SNX29: variants seen among roughly 807,000 people sequenced by gnomAD.
The protein encoded by SNX29 is sorting nexin-29.
SNX29 carries 78 observed loss-of-function variants against 102.1 expected under a neutral mutation model. That is an observed-to-expected ratio of 0.76 (90% CI 0.64 to 0.92). The LOEUF is 0.92. SNX29 is among the 40% of genes least tolerant of loss of function. The pLI, the probability that SNX29 is intolerant of heterozygous loss-of-function variation, is 0.00. For synonymous variants in SNX29, 580 were observed against 414.5 expected, an observed-to-expected ratio of 1.40 and a Z score of -4.85; for missense variants, 1,280 against 1,061.7, an observed-to-expected ratio of 1.21 and a Z score of -2.86.
chr16:12,559,720 C>G (rs992884869), intron 20 of SNX29, among the ~76,000 whole-genome samples: 11 of 152,118 alleles, frequency 7.2e-5, no homozygotes, highest in African/African-American at 2.4e-4. Context: ...GGTGAGAACA[C>G]CAAGAAATAG....
At chr16:12,074,855 TGTTC>T (rs2051473826) in intron 10 of SNX29, among the ~76,000 whole-genome samples, 1 of 152,214 alleles carries the variant, frequency 6.6e-6, no homozygotes, top group Non-Finnish European at 1.5e-5. Context: ...TTGGAGGCTT[TGTTC>T]GTTTCTTTTT....
intron 19 of SNX29, among the ~76,000 whole-genome samples, chr16:12,519,841 C>T (rs1293681408): frequency 2.0e-5 from 3 of 152,026 alleles, no homozygotes; most frequent in Non-Finnish European, 4.4e-5. Context: ...AACCCTGTCT[C>T]TGTTAAAAAT....
intron 14 of SNX29, among the ~76,000 whole-genome samples, chr16:12,252,816 G>A (rs538508707): frequency 9.4e-4 from 143 of 152,358 alleles, no homozygotes; most frequent in African/African-American, 3.3e-3. Flanking sequence ...GCCGCCAGCT[G>A]TGTCTCCAAG....
intron 15 of SNX29, among the ~76,000 whole-genome samples, chr16:12,329,478 C>T (rs1472511400): frequency 1.3e-5 from 2 of 152,012 alleles, no homozygotes; most frequent in Non-Finnish European, 2.9e-5. Flanking sequence ...GCACATAAAC[C>T]GCAGGACTGA....
chr16:11,976,855 C>A, intron 1 of SNX29, 42 bp downstream of exon 1: 1 of 1,330,952 alleles, frequency 7.5e-7, no homozygotes, highest in Non-Finnish European at 9.6e-7. Flanking sequence ...CCGGCCGCCC[C>A]GGCTCCCGCC....
At chr16:12,554,825 G>C (rs182698906) in intron 20 of SNX29, among the ~76,000 whole-genome samples, 1 of 152,190 alleles carries the variant, frequency 6.6e-6, no homozygotes, top group African/African-American at 2.4e-5. Context: ...CACCTGCTCT[G>C]TGCCATTCTT....
intron 4 of SNX29, among the ~76,000 whole-genome samples, chr16:12,034,893 T>C (rs2057432446): frequency 2.0e-5 from 3 of 151,928 alleles, no homozygotes; most frequent in Admixed American, 2.0e-4. Context: ...CACCTGTAAT[T>C]CCAGCTACTT....
At chr16:12,057,461 C>A (rs534983514) in intron 8 of SNX29, among the ~76,000 whole-genome samples, 1 of 152,210 alleles carries the variant, frequency 6.6e-6, no homozygotes, top group East Asian at 1.9e-4. Context: ...GAGCTGGGAG[C>A]AGTTGATAGC....
At chr16:12,157,586 T>C (rs2055605918) in intron 13 of SNX29, among the ~76,000 whole-genome samples, 1 of 152,136 alleles carries the variant, frequency 6.6e-6, no homozygotes, top group African/African-American at 2.4e-5. Context: ...ATTGACACGA[T>C]TGGAGCCTTT....
intron 18 of SNX29, among the ~76,000 whole-genome samples, chr16:12,425,984 G>T (rs2085062263): frequency 1.3e-5 from 2 of 152,080 alleles, no homozygotes; most frequent in Admixed American, 1.3e-4. Flanking sequence ...GACCTTCAGG[G>T]ATAGGCCTTG....
chr16:12,494,293 C>T (rs528554098), intron 19 of SNX29, among the ~76,000 whole-genome samples: 1 of 152,274 alleles, frequency 6.6e-6, no homozygotes, highest in East Asian at 1.9e-4. Context: ...GTGCCTGGCC[C>T]CCGTTCCCTT....
chr16:12,041,331 C>G (rs775527751), intron 4 of SNX29, among the ~76,000 whole-genome samples: 1 of 152,126 alleles, frequency 6.6e-6, no homozygotes, highest in Non-Finnish European at 1.5e-5. Context: ...AGGCTGATCT[C>G]GAACCCCTGA....
chr16:12,212,189 T>G (rs2077204048), intron 14 of SNX29, among the ~76,000 whole-genome samples: 4 of 152,188 alleles, frequency 2.6e-5, no homozygotes, highest in African/African-American at 9.7e-5. Context: ...ACCATGTACT[T>G]TGTCCTGAGA....
intron 13 of SNX29, among the ~76,000 whole-genome samples, chr16:12,145,326 T>G (rs935191055): frequency 4.6e-5 from 7 of 152,206 alleles, no homozygotes; most frequent in Admixed American, 2.0e-4. Context: ...CTTAAGTATA[T>G]TTTTACATAG....
chr16:12,009,998 T>G (rs1213384113), intron 3 of SNX29, among the ~76,000 whole-genome samples: 1 of 152,212 alleles, frequency 6.6e-6, no homozygotes, highest in African/African-American at 2.4e-5. Flanking sequence ...CTTTGGAGCT[T>G]GGCATTTGAA....
Position 12,572,774 on chromosome 16 carries a change from C to G in SNX29, c.*4145C>G. On this transcript the variant is annotated 3_prime_UTR_variant, in exon 21 of 21. Coordinates refer to ENST00000566228, the MANE Select transcript of SNX29 (RefSeq NM_032167.5). ...TCAGCTTCTGGGACCCGAGGAAGAC[C>G]CCACCTCACTCCTCCTTCCCCAGTA... The G allele has an allele frequency of 9.4e-7, 1 of 1,063,860 alleles. No individual in the cohort carries two copies. The highest frequency in any genetic ancestry group is 5.0e-5 in the East Asian group (1 of 19,906). 65.9% of individuals were successfully genotyped at this position (1,063,860 alleles called of 1,614,324 possible). A position where few individuals can be genotyped will look rare whatever the true frequency, so the allele number is the denominator to read the frequency against.
intron 13 of SNX29, among the ~76,000 whole-genome samples, chr16:12,192,202 T>C (rs971854960): frequency 6.6e-6 from 1 of 152,200 alleles, no homozygotes; most frequent in Non-Finnish European, 1.5e-5. Flanking sequence ...GAGAGGTACT[T>C]GCCACCTACT....
intron 4 of SNX29, among the ~76,000 whole-genome samples, chr16:12,041,023 G>GA (rs375197257): frequency 7.2e-4 from 109 of 152,190 alleles, no homozygotes; most frequent in African/African-American, 2.5e-3. Context: ...TTTTGGCCAG[G>GA]ATGGTCATCT....
chr16:12,073,479 G>T (rs886168783), intron 10 of SNX29, among the ~76,000 whole-genome samples: 3 of 152,138 alleles, frequency 2.0e-5, no homozygotes, highest in African/African-American at 7.2e-5. Flanking sequence ...TAGTGGAGCG[G>T]TTTTGAGTGA....
Sources: gnomAD v4.1 joint callset for allele counts (sites outside exome capture counted in the v4.1 genomes callset) on GRCh38, gnomAD v4.1.1 for gene constraint, MANE v1.5 for transcripts, NCBI Gene and HGNC (gene_info 2026-07-23, HGNC 2026-07-21) for gene names.